KIF23: variants seen among roughly 807,000 people sequenced by gnomAD.
KIF23 encodes kinesin family member 23.
In KIF23, 30 loss-of-function variants were observed where a neutral mutation model predicts 137.5. The observed-to-expected ratio is 0.22, with a 90% CI of 0.16 to 0.30. The LOEUF (loss-of-function observed/expected upper bound fraction) is 0.30. Among genes scored for constraint, KIF23 ranks in the 10% least tolerant of loss-of-function variants. The pLI is 1.00. For synonymous variants in KIF23, 367 were observed against 391.1 expected (o/e 0.94, Z 0.73); for missense variants, 920 against 1,194.3 (o/e 0.77, Z 3.38).
chr15:69,420,404 G>A (rs1050671159), intron 3 of KIF23, among the ~76,000 whole-genome samples: 1 of 152,170 alleles, frequency 6.6e-6, no homozygotes, highest in Non-Finnish European at 1.5e-5. Flanking sequence ...AGGACTGTGA[G>A]GTCATCTATC....
intron 3 of KIF23, among the ~76,000 whole-genome samples, chr15:69,419,086 C>G (rs1348321466): frequency 6.6e-6 from 1 of 152,196 alleles, no homozygotes; most frequent in East Asian, 1.9e-4. Flanking sequence ...CATTGCACTC[C>G]AGCTTGGGCA....
At chr15:69,428,296 AT>A (rs942399488) in intron 10 of KIF23, among the ~76,000 whole-genome samples, 1 of 151,730 alleles carries the variant, frequency 6.6e-6, no homozygotes, top group Non-Finnish European at 1.5e-5. Flanking sequence ...TATGCACCTG[AT>A]TTCCATTGAA....
rs1281682967 is a variant in KIF23 at position 69,447,499 on chromosome 15, C to T, written c.2910-293C>T. Among the ~76,000 whole-genome samples the T allele has an allele frequency of 2.0e-5, 3 of 152,016 alleles. No individual in the cohort carries two copies. The East Asian group carries it at 5.8e-4, about 29-fold the overall frequency. On this transcript the variant is annotated intron_variant, in intron 23 of 23. Transcript: ENST00000679126. ...TACAAATACATACATATATGTATAT[C>T]ACATGTTATATACATATATGTATAT...
In KIF23 at chr15:69,425,278, G is replaced by T; in HGVS notation, c.735-4G>T. 2 of 1,535,756 alleles carry T rather than the reference G, an allele frequency of 1.3e-6. No individual in the cohort carries two copies. Among genetic ancestry groups the T allele is most frequent in the Non-Finnish European group, 1.7e-6 (2 of 1,146,628 alleles). On this transcript the variant is annotated splice_polypyrimidine_tract_variant and splice_region_variant and intron_variant, in intron 7 of 23. Coordinates refer to ENST00000679126, the MANE Select transcript of KIF23 (RefSeq NM_001367805.3). ...CAGTAACTTCTACCTTATTCCTTTG[G>T]TAGGTGGAACAGTTGCAGCACACCC...
intron 15 of KIF23, among the ~76,000 whole-genome samples, chr15:69,437,340 G>A (rs1320612699): frequency 1.3e-5 from 2 of 151,770 alleles, no homozygotes; most frequent in South Asian, 2.1e-4. Context: ...AGTGGGGATT[G>A]TAATTGTTTC....
chr15:69,428,692 A>G (rs1304413439), intron 10 of KIF23, among the ~76,000 whole-genome samples: 3 of 150,224 alleles, frequency 2.0e-5, no homozygotes, highest in African/African-American at 2.4e-5. Context: ...AAAACAAAAG[A>G]ATTATTTATA....
At chr15:69,434,561 G>C (rs1460171578) in intron 11 of KIF23, 2 of 1,030,258 alleles carry the variant, frequency 1.9e-6, no homozygotes, top group Non-Finnish European at 3.0e-6. Flanking sequence ...AACTCCCTTT[G>C]TTGTCCTGGT....
intron 16 of KIF23, among the ~76,000 whole-genome samples, chr15:69,438,982 C>T (rs981224671): frequency 2.6e-5 from 4 of 151,836 alleles, no homozygotes; most frequent in Non-Finnish European, 4.4e-5. Context: ...TCTGTAGTCC[C>T]AGCTACTCGG....
rs560653411 is a variant in KIF23 at position 69,423,013 on chromosome 15, G to A, written c.564-146G>A. ...GGGGTTTCACCATGTTGGCCAGGCT[G>A]GTCTTGAGTTCCTGATCTCAGGTGA... On this transcript the variant is annotated intron_variant, in intron 6 of 23. Transcript: ENST00000679126. 6.3e-4 allele frequency: 365 copies of A among 574,964 alleles called. 2 individuals carry two copies. Among genetic ancestry groups the A allele is most frequent in the Non-Finnish European group, 1.0e-3 (334 of 324,764 alleles). The allele number at this position is 574,964 out of a possible 1,614,324, so 35.6% of individuals were successfully genotyped here.
chr15:69,418,247 C>T (rs1485126370), intron 3 of KIF23, among the ~76,000 whole-genome samples: 1 of 152,134 alleles, frequency 6.6e-6, no homozygotes, highest in Non-Finnish European at 1.5e-5. Context: ...ACCTCTTCAT[C>T]CTCATTTTAA....
chr15:69,435,158 A>G, intron 11 of KIF23: 1 of 461,194 alleles, frequency 2.2e-6, no homozygotes, highest in Non-Finnish European at 3.8e-6. Context: ...ATATGAGGAT[A>G]TTAAACATCT....
intron 21 of KIF23, 54 bp downstream of exon 21, chr15:69,446,145 C>A: frequency 6.7e-7 from 1 of 1,503,140 alleles, no homozygotes; most frequent in South Asian, 1.1e-5. Context: ...CTTAGCTGCT[C>A]ATTTTGGAGG....
intron 22 of KIF23, 149 bp downstream of exon 22, chr15:69,446,513 C>G: frequency 1.5e-6 from 1 of 649,916 alleles, no homozygotes; most frequent in South Asian, 1.9e-5. Context: ...CCTAGAATAA[C>G]AAGAATCCAC....
At position 69,447,852 on chromosome 15, in the gene KIF23, G is replaced by T. The variant is rs777749964; in HGVS notation, c.*45G>T. 9 of 1,592,784 alleles carry T rather than the reference G, an allele frequency of 5.7e-6. No homozygotes were observed. The highest frequency in any genetic ancestry group is 7.7e-6 in the Non-Finnish European group (9 of 1,164,056). On this transcript the variant is annotated 3_prime_UTR_variant, in exon 24 of 24. Coordinates refer to ENST00000679126, the MANE Select transcript of KIF23 (RefSeq NM_001367805.3). The stretch of plus-strand genomic sequence containing the variant: ...AAAGAACATTTTCATTTGTGTGGAT[G>T]ATTTCTCGAAAGCCATGCCAGAAGC...
At chr15:69,445,142 TG>T (rs1482539286) in intron 20 of KIF23, 101 bp downstream of exon 20, 1 of 1,105,074 alleles carries the variant, frequency 9.0e-7, no homozygotes, top group Non-Finnish European at 1.3e-6. Flanking sequence ...TAGTGTCAAC[TG>T]GAACATCAGT....
intron 10 of KIF23, among the ~76,000 whole-genome samples, chr15:69,428,085 C>T (rs887759812): frequency 2.0e-5 from 3 of 151,960 alleles, no homozygotes; most frequent in African/African-American, 7.3e-5. Context: ...GGCGAAACCC[C>T]GTCTCTACTA....
At chr15:69,430,851 C>G (rs1387994760) in intron 11 of KIF23, among the ~76,000 whole-genome samples, 1 of 152,102 alleles carries the variant, frequency 6.6e-6, no homozygotes. Flanking sequence ...GTATCACACC[C>G]ATTTTTCAGA....
At chr15:69,435,905 G>T in intron 13 of KIF23, 134 bp downstream of exon 13, 2 of 1,293,296 alleles carry the variant, frequency 1.5e-6, no homozygotes, top group Non-Finnish European at 2.1e-6. Flanking sequence ...AACTAGGCTT[G>T]GTGTGGTGGC....
chr15:69,420,193 G>C (rs2057019043), intron 3 of KIF23, among the ~76,000 whole-genome samples: 1 of 151,934 alleles, frequency 6.6e-6, no homozygotes, highest in African/African-American at 2.4e-5. Context: ...GAACCCAGGA[G>C]GCAGAGGTTG....
Sources: gnomAD v4.1 joint callset for allele counts (sites outside exome capture counted in the v4.1 genomes callset) on GRCh38, gnomAD v4.1.1 for gene constraint, MANE v1.5 for transcripts, NCBI Gene and HGNC (gene_info 2026-07-23, HGNC 2026-07-21) for gene names.